Variants in STX7 observed in about 807,000 individuals in gnomAD.
STX7 encodes the protein syntaxin 7.
STX7 carries 34 observed loss-of-function variants against 39.6 expected under a neutral mutation model. That is an observed-to-expected ratio of 0.86 (90% CI 0.65 to 1.14). The LOEUF is 1.14. STX7 is among the 50% of genes most tolerant of loss of function. The probability of loss-of-function intolerance (pLI) is 0.00; values close to 1 mark genes in which losing one functional copy is unlikely to be tolerated. For synonymous variants in STX7, 119 were observed against 99.1 expected, an observed-to-expected ratio of 1.20 and a Z score of -1.19; for missense variants, 284 against 310.4, an observed-to-expected ratio of 0.92 and a Z score of 0.64.
intron 3 of STX7, among the ~76,000 whole-genome samples, chr6:132,473,069 G>T (rs904051181): frequency 2.6e-5 from 4 of 152,200 alleles, no homozygotes; most frequent in African/African-American, 9.6e-5. Flanking sequence ...TGAGGCAGAA[G>T]AATCACTTGA....
intron 2 of STX7, among the ~76,000 whole-genome samples, chr6:132,479,546 C>T (rs554195583): frequency 6.6e-6 from 1 of 152,268 alleles, no homozygotes; most frequent in South Asian, 2.1e-4. Flanking sequence ...TTGGTACAGC[C>T]TTTCTACATT....
At chr6:132,475,783 A>ACT in intron 2 of STX7, 121 bp from the exon 3 acceptor site, 4 of 526,658 alleles carry the variant, frequency 7.6e-6, no homozygotes, top group African/African-American at 2.0e-5. Flanking sequence ...AAAGATGAAA[A>ACT]TAGAAAATAT....
intron 2 of STX7, among the ~76,000 whole-genome samples, chr6:132,497,458 A>G (rs1775445316): frequency 6.6e-6 from 1 of 152,170 alleles, no homozygotes. Flanking sequence ...GGAATGTTCT[A>G]TTTCTTGACA....
chr6:132,501,048 T>C (rs960322057), intron 2 of STX7, among the ~76,000 whole-genome samples: 5 of 151,578 alleles, frequency 3.3e-5, no homozygotes, highest in African/African-American at 1.2e-4. Context: ...TTCACCTGCA[T>C]GAACAGTCCC....
chr6:132,468,483 A>G lies in STX7; in HGVS notation c.538-8T>C. ...AATATCCATAATATCAGCCTAAGAG[A>G]AAACGCATATATTATTATAATCAGA... On this transcript the variant is annotated splice_region_variant and splice_polypyrimidine_tract_variant and intron_variant, in intron 7 of 9. Coordinates refer to ENST00000367941, the MANE Select transcript of STX7 (RefSeq NM_003569.3). 1 of 1,585,728 alleles carries G rather than the reference A, an allele frequency of 6.3e-7. No individual in the cohort carries two copies. Among genetic ancestry groups the G allele is most frequent in the Non-Finnish European group, 8.6e-7 (1 of 1,163,690 alleles).
At chr6:132,474,821 A>T (rs1224072513) in intron 3 of STX7, among the ~76,000 whole-genome samples, 2 of 152,172 alleles carry the variant, frequency 1.3e-5, no homozygotes, top group African/African-American at 4.8e-5. Flanking sequence ...ACAGCATATT[A>T]ATTTACTGGA....
In STX7 at chr6:132,455,380, T is replaced by C. The variant is rs746639307; in HGVS notation, c.*5378A>G. ...CTACCAATGCTATTAGGTGTTGGAG[T>C]TAGTAACTACTGCCTAACGATACTT... On this transcript the variant is annotated 3_prime_UTR_variant, in exon 10 of 10. Coordinates refer to ENST00000367941, the MANE Select transcript of STX7 (RefSeq NM_003569.3). The C allele has an allele frequency of 6.6e-6, 1 of 152,190 alleles. No individual in the cohort carries two copies. Among genetic ancestry groups the C allele is most frequent in the African/African-American group, 2.4e-5 (1 of 41,444 alleles). 9.4% of individuals were successfully genotyped at this position (152,190 alleles called of 1,614,324 possible).
rs979063890 is a variant in STX7 at position 132,455,951 on chromosome 6, G to A, written c.*4807C>T. 2 of 152,150 alleles carry A rather than the reference G, an allele frequency of 1.3e-5. No individual in the cohort carries two copies. The highest frequency in any genetic ancestry group is 4.8e-5 in the African/African-American group (2 of 41,420). 9.4% of individuals were successfully genotyped at this position (152,150 alleles called of 1,614,324 possible). On this transcript the variant is annotated 3_prime_UTR_variant, in exon 10 of 10. Coordinates refer to ENST00000367941, the MANE Select transcript of STX7 (RefSeq NM_003569.3). ...TTTAAGAAACATTTCTTTATATGGAGCATACTTACTGTTTTTGCTTTGAGT... is the reference window on the plus strand; with the variant it reads ...TTTAAGAAACATTTCTTTATATGGAACATACTTACTGTTTTTGCTTTGAGT...
At chr6:132,503,377 T>C (rs1775624232) in intron 2 of STX7, 69 bp downstream of exon 2, 1 of 1,373,606 alleles carries the variant, frequency 7.3e-7, no homozygotes, top group African/African-American at 1.4e-5. Context: ...AGTTGTCCTT[T>C]TATGAACCTC....
At chr6:132,461,690 G>A in intron 9 of STX7, 2 of 748,156 alleles carry the variant, frequency 2.7e-6, no homozygotes, top group East Asian at 5.7e-5. Context: ...TAATATTAAT[G>A]GGAAACTACA....
intron 1 of STX7, among the ~76,000 whole-genome samples, chr6:132,506,478 G>A (rs1374317381): frequency 1.3e-5 from 2 of 152,054 alleles, no homozygotes; most frequent in African/African-American, 4.8e-5. Flanking sequence ...ACATACAAAT[G>A]GCCAAGAAGC....
intron 2 of STX7, among the ~76,000 whole-genome samples, chr6:132,486,092 C>T (rs7751015): frequency 0.023 from 3,557 of 152,238 alleles, 125 homozygotes; most frequent in African/African-American, 0.08. Context: ...TTTATTCTAG[C>T]AGGCTTTTTT....
chr6:132,457,728 T>C lies in STX7; in HGVS notation c.*3030A>G, dbSNP rs1774277172. On this transcript the variant is annotated 3_prime_UTR_variant, in exon 10 of 10. Coordinates refer to ENST00000367941, the MANE Select transcript of STX7 (RefSeq NM_003569.3). ...ATTTACCACCAATGAATTTTTATCA[T>C]ATTTAAATGAACTTGAAAATGTCAT... 1 of 152,230 alleles carries C rather than the reference T, an allele frequency of 6.6e-6. No homozygotes were observed. The highest frequency in any genetic ancestry group is 1.5e-5 in the Non-Finnish European group (1 of 68,036). 9.4% of individuals were successfully genotyped at this position (152,230 alleles called of 1,614,324 possible). A position where few individuals can be genotyped will look rare whatever the true frequency, so the allele number is the denominator to read the frequency against.
intron 2 of STX7, among the ~76,000 whole-genome samples, chr6:132,491,893 T>C (rs1775298809): frequency 6.6e-6 from 1 of 152,190 alleles, no homozygotes; most frequent in African/African-American, 2.4e-5. Flanking sequence ...ACCCACTCCC[T>C]AACCAACTTA....
At chr6:132,480,652 G>T (rs756146389) in intron 2 of STX7, among the ~76,000 whole-genome samples, 9 of 152,162 alleles carry the variant, frequency 5.9e-5, no homozygotes, top group Non-Finnish European at 8.8e-5. Flanking sequence ...TGATAATACT[G>T]CCATCTTCAC....
chr6:132,509,389 T>C (rs141014187), intron 1 of STX7, among the ~76,000 whole-genome samples: 2,935 of 151,222 alleles, frequency 0.019, 89 homozygotes, highest in African/African-American at 0.066. Flanking sequence ...GAGGCGGAGG[T>C]TGCAGTGAGC....
chr6:132,490,417 T>A (rs1012480116), intron 2 of STX7, among the ~76,000 whole-genome samples: 2 of 152,200 alleles, frequency 1.3e-5, no homozygotes, highest in Non-Finnish European at 2.9e-5. Flanking sequence ...CTGCTTCTTA[T>A]AGAAACACGG....
At chr6:132,470,551 G>A (rs1025503201) in intron 6 of STX7, 23 bp downstream of exon 6, 4 of 1,583,510 alleles carry the variant, frequency 2.5e-6, no homozygotes, top group Non-Finnish European at 3.5e-6. Context: ...CTTTTGATCT[G>A]TAAAATGTTT....
At chr6:132,485,788 C>G (rs1011065206) in intron 2 of STX7, among the ~76,000 whole-genome samples, 1 of 152,090 alleles carries the variant, frequency 6.6e-6, no homozygotes, top group Non-Finnish European at 1.5e-5. Context: ...TCCTATTTGT[C>G]ATCTGTATAT....
Sources: allele counts gnomAD v4.1 joint callset (sites outside exome capture counted in the v4.1 genomes callset), GRCh38; gene constraint gnomAD v4.1.1; transcripts MANE v1.5; gene names NCBI Gene and HGNC (gene_info 2026-07-23, HGNC 2026-07-21).